The following DEPDC1B variants were observed in gnomAD, a reference collection of about 807,000 sequenced individuals.
The protein encoded by DEPDC1B is DEP domain-containing protein 1B.
DEPDC1B carries 51 observed loss-of-function variants against 66.5 expected under a neutral mutation model. The observed-to-expected ratio is 0.77, with a 90% CI of 0.61 to 0.97. The LOEUF (loss-of-function observed/expected upper bound fraction) is 0.97. Among genes scored for constraint, DEPDC1B ranks in the 50% least tolerant of loss-of-function variants. The pLI, the probability that DEPDC1B is intolerant of heterozygous loss-of-function variation, is 0.00. For missense variants in DEPDC1B, 552 were observed against 637.1 expected (o/e 0.87, Z 1.44); for synonymous variants, 226 against 223.6 (o/e 1.01, Z -0.10).
At chr5:60,608,091 G>A (rs1357348945) in intron 7 of DEPDC1B, among the ~76,000 whole-genome samples, 2 of 152,150 alleles carry the variant, frequency 1.3e-5, no homozygotes, top group African/African-American at 4.8e-5. Context: ...AGATTGCAAG[G>A]GGAAAGCAGG....
At chr5:60,601,768 C>T (rs1459103148) in intron 9 of DEPDC1B, among the ~76,000 whole-genome samples, 3 of 152,140 alleles carry the variant, frequency 2.0e-5, no homozygotes, top group Non-Finnish European at 4.4e-5. Context: ...AAGGCAGCTA[C>T]TAATTGTAGG....
At chr5:60,642,722 C>A in intron 6 of DEPDC1B, 90 bp downstream of exon 6, 4 of 893,746 alleles carry the variant, frequency 4.5e-6, no homozygotes, top group South Asian at 1.6e-5. Flanking sequence ...GGTGTCACAT[C>A]AATGTTCAGG....
intron 7 of DEPDC1B, among the ~76,000 whole-genome samples, chr5:60,622,901 G>C (rs1005870680): frequency 1.7e-4 from 26 of 152,048 alleles, no homozygotes; most frequent in African/African-American, 5.8e-4. Flanking sequence ...ACATATCCTA[G>C]TTATAAGTAT....
chr5:60,666,786 G>A lies in DEPDC1B; in HGVS notation c.315-19253C>T, dbSNP rs185204247. On this transcript the variant is annotated intron_variant, in intron 2 of 10. Transcript: ENST00000265036. The stretch of plus-strand genomic sequence containing the variant: ...GCACCGACTACCCTAAGACCATCAC[G>A]CTACAAGAAGCACAACCCACATGGA... 7.0e-3 allele frequency among the ~76,000 whole-genome samples: 1,063 copies of A among 152,244 alleles called. 6 individuals carry two copies. Among genetic ancestry groups the A allele is most frequent in the Non-Finnish European group, 0.012 (818 of 68,016 alleles).
rs374146430 is a variant in DEPDC1B, at chr5:60,605,730, T to G, written c.1025A>C (p.Glu342Ala). ...RMMARICLNK[E>A]MPPLCDGFGT... ...AAAGCCATCACACAGGGGTGGCATCTCTTTGTTTAAGCAAATCCTTGCCAT... is the reference window on the plus strand; with the variant it reads ...AAAGCCATCACACAGGGGTGGCATCGCTTTGTTTAAGCAAATCCTTGCCAT... The change falls in exon 8 of 11, where the codon GAG becomes GCG. Residue 342 changes from glutamate to alanine, a missense_variant. Transcript: ENST00000265036. 1.9e-6 allele frequency: 3 copies of G among 1,613,248 alleles called. No homozygotes were observed. The highest frequency in any genetic ancestry group is 1.7e-6 in the Non-Finnish European group (2 of 1,179,492).
intron 2 of DEPDC1B, among the ~76,000 whole-genome samples, chr5:60,665,529 T>A (rs1316920854): frequency 6.6e-6 from 1 of 152,190 alleles, no homozygotes; most frequent in Non-Finnish European, 1.5e-5. Context: ...GCAGGACCCC[T>A]GGACCGGCCT....
chr5:60,651,362 T>C (rs1030378559), intron 2 of DEPDC1B, among the ~76,000 whole-genome samples: 1 of 152,036 alleles, frequency 6.6e-6, no homozygotes, highest in African/African-American at 2.4e-5. Context: ...ATCTCGTCTC[T>C]ACTAAAAATA....
chr5:60,599,161 A>C lies in DEPDC1B; in HGVS notation c.1342T>G (p.Ser448Ala). The change falls in exon 10 of 11, where the codon TCT becomes GCT. Residue 448 changes from serine to alanine, a missense_variant. Ser to Ala is a moderately conservative substitution (Grantham distance 99). Coordinates refer to ENST00000265036, the MANE Select transcript of DEPDC1B (RefSeq NM_018369.3). ...AACAAGGCTGCCAGAGGTTCCTGAG[A>C]GCCATATGATCTTTGATATTCAAAT... is the stretch of plus-strand genomic sequence containing the variant. ...EEFEYQRSYG[S>A]QEPLAALLEE... is the part of the protein sequence containing the mutation. 6.2e-7 allele frequency: 1 copy of C among 1,613,558 alleles called. No individual in the cohort carries two copies. The highest frequency in any genetic ancestry group is 8.5e-7 in the Non-Finnish European group (1 of 1,179,740).
intron 2 of DEPDC1B, among the ~76,000 whole-genome samples, chr5:60,679,015 T>C (rs1274968727): frequency 6.6e-6 from 1 of 152,260 alleles, no homozygotes; most frequent in East Asian, 1.9e-4. Flanking sequence ...AAAAGTTCTG[T>C]AGTTTTATAT....
chr5:60,622,694 A>G (rs551085983), intron 7 of DEPDC1B, among the ~76,000 whole-genome samples: 1 of 152,308 alleles, frequency 6.6e-6, no homozygotes, highest in Admixed American at 6.5e-5. Context: ...CTCACCAAAA[A>G]TTTATGTCAG....
intron 2 of DEPDC1B, among the ~76,000 whole-genome samples, chr5:60,685,722 G>A (rs1192964598): frequency 1.3e-5 from 2 of 152,140 alleles, no homozygotes; most frequent in African/African-American, 2.4e-5. Flanking sequence ...TCTTGATAGG[G>A]TACAAGCAAT....
chr5:60,699,905 C>A, intron 1 of DEPDC1B, 141 bp downstream of exon 1: 1 of 1,008,924 alleles, frequency 9.9e-7, no homozygotes. Flanking sequence ...TAAAAGGCAG[C>A]CCCAGTAGTC....
chr5:60,617,447 G>A (rs1050955699), intron 7 of DEPDC1B, among the ~76,000 whole-genome samples: 2 of 152,076 alleles, frequency 1.3e-5, no homozygotes, highest in Admixed American at 1.3e-4. Flanking sequence ...AGGAAGATCT[G>A]CGAAGCAAAT....
rs148588300 is a variant in DEPDC1B at position 60,684,547 on chromosome 5, G to A, written c.314+2415C>T. Among the ~76,000 whole-genome samples, 384 of 152,244 alleles carry A rather than the reference G, an allele frequency of 2.5e-3. 4 individuals carry two copies. Among genetic ancestry groups the A allele is most frequent in the African/African-American group, 9.0e-3 (374 of 41,538 alleles). On this transcript the variant is annotated intron_variant, in intron 2 of 10. Coordinates refer to ENST00000265036, the MANE Select transcript of DEPDC1B (RefSeq NM_018369.3). ...AAAAACTGGATATCCTTATGCAGAA[G>A]AATGAAACTAGACCTCTATCTCTCA...
intron 1 of DEPDC1B, among the ~76,000 whole-genome samples, chr5:60,693,918 T>C (rs1174166655): frequency 3.3e-5 from 5 of 152,114 alleles, no homozygotes; most frequent in Non-Finnish European, 1.5e-5. Flanking sequence ...ATCATAATCA[T>C]GAACTAAAAT....
At chr5:60,655,973 A>T in intron 2 of DEPDC1B, among the ~76,000 whole-genome samples, 1 of 149,464 alleles carries the variant, frequency 6.7e-6, no homozygotes, top group Non-Finnish European at 1.5e-5. Flanking sequence ...CCTGTGGTCT[A>T]AGAGAGTACT....
rs34747463 is a variant in DEPDC1B, at chr5:60,603,826, CATAT to C, written c.1066-263_1066-260del. Among the ~76,000 whole-genome samples the C allele has an allele frequency of 5.8e-3, 839 of 145,846 alleles. 2 individuals carry two copies. Among genetic ancestry groups the C allele is most frequent in the Middle Eastern group, 0.018 (5 of 280 alleles). On this transcript the variant is annotated intron_variant, in intron 8 of 10. Coordinates refer to ENST00000265036, the MANE Select transcript of DEPDC1B (RefSeq NM_018369.3). ...CTCCTTTTACACGATTTTAAATATA[CATAT>C]ATATATATATATATATACACACACA...
intron 7 of DEPDC1B, among the ~76,000 whole-genome samples, chr5:60,618,736 T>C (rs1425383699): frequency 1.3e-5 from 2 of 152,344 alleles, no homozygotes; most frequent in East Asian, 3.9e-4. Context: ...CCATTCCTTC[T>C]GAAACTATTC....
intron 7 of DEPDC1B, among the ~76,000 whole-genome samples, chr5:60,609,650 T>C (rs2111732065): frequency 6.6e-6 from 1 of 152,302 alleles, no homozygotes; most frequent in East Asian, 1.9e-4. Context: ...GTTAGGTCTA[T>C]AACACTACTA....
Sources: allele counts gnomAD v4.1 joint callset (sites outside exome capture counted in the v4.1 genomes callset), GRCh38; gene constraint gnomAD v4.1.1; transcripts MANE v1.5; gene names NCBI Gene and HGNC (gene_info 2026-07-23, HGNC 2026-07-21).